Variants in REC114 observed in about 807,000 individuals in gnomAD.
REC114 encodes REC114 meiotic recombination protein, also known as meiotic recombination protein REC114.
Under a neutral mutation model 31.3 loss-of-function variants are expected in REC114, and 27 were observed. That is an observed-to-expected ratio of 0.86 (90% CI 0.64 to 1.19). The LOEUF is 1.19. Among genes scored for constraint, REC114 ranks in the 50% most tolerant of loss-of-function variants. The probability of loss-of-function intolerance (pLI) is 0.00; values close to 1 mark genes in which losing one functional copy is unlikely to be tolerated. For missense variants in REC114, 344 were observed against 326.9 expected, an observed-to-expected ratio of 1.05 and a Z score of -0.40; for synonymous variants, 134 against 127.7, an observed-to-expected ratio of 1.05 and a Z score of -0.33.
intron 1 of REC114, among the ~76,000 whole-genome samples, chr15:73,447,896 A>C (rs1196163303): frequency 2.0e-5 from 3 of 151,906 alleles, no homozygotes; most frequent in Non-Finnish European, 2.9e-5. Context: ...AGGGTTGGGG[A>C]ATCTCCCTCC....
chr15:73,482,796 C>T (rs1893313715), intron 2 of REC114, among the ~76,000 whole-genome samples: 1 of 152,124 alleles, frequency 6.6e-6, no homozygotes, highest in South Asian at 2.1e-4. Flanking sequence ...CTGCTGTGAA[C>T]ATGAGTTTAC....
chr15:73,534,542 C>T (rs1167711293), intron 2 of REC114, among the ~76,000 whole-genome samples: 5 of 152,176 alleles, frequency 3.3e-5, no homozygotes, highest in East Asian at 1.9e-4. Context: ...TAATCAATAG[C>T]TTACCAACCA....
At chr15:73,532,053 A>T (rs1894092897) in intron 2 of REC114, among the ~76,000 whole-genome samples, 1 of 148,348 alleles carries the variant, frequency 6.7e-6, no homozygotes, top group African/African-American at 2.5e-5. Context: ...TTACATATGT[A>T]TACATGTGCC....
At chr15:73,499,546 A>G (rs2141307276) in intron 2 of REC114, among the ~76,000 whole-genome samples, 1 of 152,284 alleles carries the variant, frequency 6.6e-6, no homozygotes, top group East Asian at 1.9e-4. Context: ...ATCTCTTGTC[A>G]GGGTTACTAC....
intron 2 of REC114, among the ~76,000 whole-genome samples, chr15:73,537,912 ATTG>A (rs1227102054): frequency 6.6e-6 from 1 of 152,154 alleles, no homozygotes; most frequent in Non-Finnish European, 1.5e-5. Flanking sequence ...AAGAATATAC[ATTG>A]TTATGTTCTC....
At position 73,443,278 on chromosome 15, in the gene REC114, C is replaced by T. The variant is rs1892722154; in HGVS notation, c.93C>T (p.Pro31=). 1 of 1,581,326 alleles carries T rather than the reference C, an allele frequency of 6.3e-7. No homozygotes were observed. Among genetic ancestry groups the T allele is most frequent in the Non-Finnish European group, 8.6e-7 (1 of 1,164,812 alleles). Residue 31 remains proline (P), a synonymous_variant, in exon 1 of 6, where the codon CCC becomes CCT. Coordinates refer to ENST00000331090, the MANE Select transcript of REC114 (RefSeq NM_001042367.2). ...WPLQRYARCI[P]SNTRDPPGPC... Reference sequence around the variant, plus strand: ...TGCAGCGGTACGCCCGCTGCATACCCTCAAACACCAGAGACCCACCTGGGC... The same window carrying T: ...TGCAGCGGTACGCCCGCTGCATACCTTCAAACACCAGAGACCCACCTGGGC...
At chr15:73,520,450 T>C (rs1248608240) in intron 2 of REC114, among the ~76,000 whole-genome samples, 2 of 152,132 alleles carry the variant, frequency 1.3e-5, no homozygotes, top group South Asian at 2.1e-4. Context: ...AGGCTGGTCT[T>C]GAACTCCTGA....
At chr15:73,458,829 G>T (rs1236741532) in intron 1 of REC114, among the ~76,000 whole-genome samples, 3 of 152,212 alleles carry the variant, frequency 2.0e-5, no homozygotes, top group Non-Finnish European at 4.4e-5. Context: ...TGCACGGGCA[G>T]CTGGTATATA....
chr15:73,476,523 C>T (rs886719571), intron 2 of REC114, among the ~76,000 whole-genome samples: 41 of 152,108 alleles, frequency 2.7e-4, no homozygotes, highest in Admixed American at 2.0e-4. Context: ...TTACTGTGTA[C>T]GTTATTTTGA....
chr15:73,525,592 A>G (rs1379721571), intron 2 of REC114, among the ~76,000 whole-genome samples: 1 of 151,646 alleles, frequency 6.6e-6, no homozygotes, highest in Non-Finnish European at 1.5e-5. Flanking sequence ...CCCATGGGTA[A>G]TTTCACATTG....
chr15:73,559,489 A>T (rs573054688), intron 5 of REC114, among the ~76,000 whole-genome samples: 3 of 152,338 alleles, frequency 2.0e-5, no homozygotes, highest in Admixed American at 2.0e-4. Flanking sequence ...AACTTTGCAA[A>T]CATTTCATCA....
intron 2 of REC114, among the ~76,000 whole-genome samples, chr15:73,514,435 G>A (rs147348656): frequency 0.033 from 5,007 of 152,054 alleles, 305 homozygotes; most frequent in African/African-American, 0.11. Flanking sequence ...CTGTAGACCG[G>A]AGCTGTTCCT....
intron 2 of REC114, among the ~76,000 whole-genome samples, chr15:73,498,794 G>T (rs1032984285): frequency 1.3e-5 from 2 of 152,138 alleles, no homozygotes; most frequent in African/African-American, 4.8e-5. Flanking sequence ...TACAGTAAAA[G>T]ATTAGAAATA....
chr15:73,503,139 A>G (rs538928340), intron 2 of REC114, among the ~76,000 whole-genome samples: 2 of 152,340 alleles, frequency 1.3e-5, no homozygotes, highest in South Asian at 4.1e-4. Flanking sequence ...GTCACTTACC[A>G]TATGACCCAG....
chr15:73,477,316 T>G (rs774372480), intron 2 of REC114, among the ~76,000 whole-genome samples: 28 of 152,348 alleles, frequency 1.8e-4, no homozygotes, highest in Non-Finnish European at 3.7e-4. Context: ...CTTTGTGTCT[T>G]TTGAAGAGCA....
intron 2 of REC114, among the ~76,000 whole-genome samples, chr15:73,509,763 G>A (rs988837367): frequency 4.2e-4 from 63 of 150,736 alleles, no homozygotes; most frequent in East Asian, 5.9e-4. Flanking sequence ...GGTATGCGGC[G>A]TTATTTCTGA....
Position 73,513,364 on chromosome 15 carries a change from T to A in REC114, c.250-27121T>A, listed in dbSNP as rs1217513106. On this transcript the variant is annotated intron_variant, in intron 2 of 5. Transcript: ENST00000331090. ...CACTCTTCTAAATTTTTTTCAAAGTTTTCAACTTCTTTGCCTTTGGTTTGA... is the reference window on the plus strand; with the variant it reads ...CACTCTTCTAAATTTTTTTCAAAGTATTCAACTTCTTTGCCTTTGGTTTGA... Among the ~76,000 whole-genome samples, 830 of 149,924 alleles carry A rather than the reference T, an allele frequency of 5.5e-3. 5 individuals carry two copies. Among genetic ancestry groups the A allele is most frequent in the African/African-American group, 0.019 (793 of 41,140 alleles).
intron 3 of REC114, among the ~76,000 whole-genome samples, chr15:73,548,604 G>A (rs1439616745): frequency 1.3e-5 from 2 of 152,142 alleles, no homozygotes; most frequent in Non-Finnish European, 2.9e-5. Flanking sequence ...TGGTGGGAGT[G>A]TAAATTAGGT....
At chr15:73,499,915 GA>G (rs1258618176) in intron 2 of REC114, among the ~76,000 whole-genome samples, 1 of 152,116 alleles carries the variant, frequency 6.6e-6, no homozygotes, top group Non-Finnish European at 1.5e-5. Flanking sequence ...TTAAATTTTA[GA>G]AACTTTTAAT....
Sources: gnomAD v4.1 joint callset for allele counts (sites outside exome capture counted in the v4.1 genomes callset) on GRCh38, gnomAD v4.1.1 for gene constraint, MANE v1.5 for transcripts, NCBI Gene and HGNC (gene_info 2026-07-23, HGNC 2026-07-21) for gene names.